LMBR1: variants seen among roughly 807,000 people sequenced by gnomAD.
LMBR1 encodes the protein limb region 1 protein homolog.
LMBR1 carries 52 observed loss-of-function variants against 73.9 expected under a neutral mutation model. The observed-to-expected ratio is 0.70, with a 90% CI of 0.56 to 0.89. LMBR1 has a LOEUF of 0.89. Among genes scored for constraint, LMBR1 ranks in the 40% least tolerant of loss-of-function variants. The pLI, the probability that LMBR1 is intolerant of heterozygous loss-of-function variation, is 0.00. For missense variants in LMBR1, 539 were observed against 579.8 expected (o/e 0.93, Z 0.72); for synonymous variants, 215 against 209.4 (o/e 1.03, Z -0.23).
chr7:156,687,886 T>C (rs944992946), intron 16 of LMBR1, 144 bp downstream of exon 16: 4 of 686,646 alleles, frequency 5.8e-6, no homozygotes, highest in Non-Finnish European at 9.4e-6. Context: ...AATGAAGGAA[T>C]TTTGCACAAA....
At chr7:156,676,241 G>C (rs1296389610), downstream of LMBR1, 4 of 1,492,768 alleles carry the variant, frequency 2.7e-6, no homozygotes, top group Non-Finnish European at 3.6e-6. Flanking sequence ...GAGTATATGT[G>C]TGTGTATATA....
chr7:156,796,650 A>G (rs1158224307), intron 4 of LMBR1, among the ~76,000 whole-genome samples, 158 bp from the exon 5 acceptor site: 1 of 152,188 alleles, frequency 6.6e-6, no homozygotes, highest in African/African-American at 2.4e-5. Flanking sequence ...ATTTATTTAA[A>G]TTTTTTTAAC....
At chr7:156,845,348 C>T (rs147077978) in intron 1 of LMBR1, among the ~76,000 whole-genome samples, 79 of 152,092 alleles carry the variant, frequency 5.2e-4, no homozygotes, top group African/African-American at 1.8e-3. Context: ...AAATAATAAG[C>T]TACCCACTAA....
At chr7:156,755,893 A>T (rs1237779664) in intron 9 of LMBR1, among the ~76,000 whole-genome samples, 4 of 152,198 alleles carry the variant, frequency 2.6e-5, no homozygotes, top group Admixed American at 2.6e-4. Context: ...TTCATAAACT[A>T]ACCTTCTATT....
At chr7:156,690,506 G>A (rs1354341513) in intron 15 of LMBR1, among the ~76,000 whole-genome samples, 1 of 152,154 alleles carries the variant, frequency 6.6e-6, no homozygotes, top group Non-Finnish European at 1.5e-5. Flanking sequence ...CGGTAAGAAT[G>A]GAAGGTATGT....
chr7:156,755,978 G>C (rs1821799336), intron 9 of LMBR1, among the ~76,000 whole-genome samples: 1 of 152,064 alleles, frequency 6.6e-6, no homozygotes, highest in Non-Finnish European at 1.5e-5. Context: ...CGGGAGACTG[G>C]CTTTTCAACA....
chr7:156,750,811 A>G (rs901956841), intron 9 of LMBR1, among the ~76,000 whole-genome samples: 13 of 152,178 alleles, frequency 8.5e-5, no homozygotes, highest in Admixed American at 4.6e-4. Context: ...CCTGTAATTT[A>G]CAAAAATCCC....
chr7:156,702,701 T>A (rs977242629), intron 15 of LMBR1, among the ~76,000 whole-genome samples: 2 of 152,188 alleles, frequency 1.3e-5, no homozygotes, highest in Admixed American at 6.5e-5. Context: ...GAAGGTTTTT[T>A]AAAAAAGAAA....
chr7:156,801,706 A>G (rs192669565), intron 4 of LMBR1, among the ~76,000 whole-genome samples: 5 of 152,004 alleles, frequency 3.3e-5, no homozygotes, highest in Admixed American at 6.6e-5. Context: ...TGATTTTTGT[A>G]TTTTTTGTAG....
At chr7:156,799,202 A>AG (rs1830538951) in intron 4 of LMBR1, among the ~76,000 whole-genome samples, 1 of 115,410 alleles carries the variant, frequency 8.7e-6, no homozygotes. Flanking sequence ...ACTCCATCTC[A>AG]AAAAAAAAAA....
intron 15 of LMBR1, among the ~76,000 whole-genome samples, chr7:156,718,358 C>T (rs1259478620): frequency 1.3e-5 from 2 of 151,396 alleles, no homozygotes; most frequent in Non-Finnish European, 2.9e-5. Context: ...CGAGATTGTG[C>T]CACTGCACTT....
chr7:156,732,150 A>G (rs1469502247), intron 10 of LMBR1, among the ~76,000 whole-genome samples: 4 of 152,142 alleles, frequency 2.6e-5, no homozygotes, highest in African/African-American at 9.7e-5. Flanking sequence ...AACAACAGGG[A>G]CCAGGTGTGT....
At chr7:156,788,401 C>T (rs1828545616) in intron 5 of LMBR1, among the ~76,000 whole-genome samples, 1 of 151,970 alleles carries the variant, frequency 6.6e-6, no homozygotes, top group South Asian at 2.1e-4. Flanking sequence ...ATCAGTGTAC[C>T]TTTTATTTAT....
intron 1 of LMBR1, among the ~76,000 whole-genome samples, chr7:156,856,835 T>C (rs566956324): frequency 5.8e-4 from 88 of 152,230 alleles, no homozygotes; most frequent in Non-Finnish European, 1.2e-3. Context: ...AATAATGTAT[T>C]TGGTGATAAC....
intron 9 of LMBR1, among the ~76,000 whole-genome samples, chr7:156,746,297 T>A (rs1819848272): frequency 6.6e-6 from 1 of 152,306 alleles, no homozygotes; most frequent in East Asian, 1.9e-4. Flanking sequence ...TTTATTATTC[T>A]GGTAACCAGC....
chr7:156,690,816 C>T (rs1186726446), intron 15 of LMBR1, among the ~76,000 whole-genome samples: 2 of 152,186 alleles, frequency 1.3e-5, no homozygotes, highest in South Asian at 2.1e-4. Context: ...CTGACCAACA[C>T]ACAGTTCTTC....
chr7:156,862,873 G>C (rs894905907), intron 1 of LMBR1, among the ~76,000 whole-genome samples: 1 of 152,130 alleles, frequency 6.6e-6, no homozygotes, highest in East Asian at 1.9e-4. Context: ...TCAAACATCA[G>C]CTCTTCCGGG....
rs77990128 is a variant in LMBR1, at chr7:156,840,239, C to T, written c.67-3354G>A. Reference sequence around the variant, plus strand: ...CCCTCATGGAGCTTACAGTACACTGCGAGAAAAAGACAATAAATAAATATA... The same window carrying T: ...CCCTCATGGAGCTTACAGTACACTGTGAGAAAAAGACAATAAATAAATATA... On this transcript the variant is annotated intron_variant, in intron 1 of 16. Transcript: ENST00000353442. 2.5e-3 allele frequency among the ~76,000 whole-genome samples: 379 copies of T among 152,018 alleles called. 4 individuals are homozygous for T. The East Asian group carries it at 0.035, about 14-fold the overall frequency.
At chr7:156,716,382 A>G (rs1813217324) in intron 15 of LMBR1, among the ~76,000 whole-genome samples, 1 of 152,242 alleles carries the variant, frequency 6.6e-6, no homozygotes, top group Non-Finnish European at 1.5e-5. Flanking sequence ...ATTTTGTTCT[A>G]ATCTGGAGGC....
Sources: gnomAD v4.1 joint callset for allele counts (sites outside exome capture counted in the v4.1 genomes callset) on GRCh38, gnomAD v4.1.1 for gene constraint, MANE v1.5 for transcripts, NCBI Gene and HGNC (gene_info 2026-07-23, HGNC 2026-07-21) for gene names.